CADM2: variants seen among roughly 807,000 people sequenced by gnomAD.
The protein encoded by CADM2 is cell adhesion molecule 2.
CADM2 carries 12 observed loss-of-function variants against 49.8 expected under a neutral mutation model. The observed-to-expected ratio is 0.24, with a 90% CI of 0.15 to 0.39. The LOEUF (loss-of-function observed/expected upper bound fraction) is 0.39, where lower values mean the gene tolerates loss of function less well. Ranked by LOEUF, CADM2 falls within the 10% of genes least tolerant of loss-of-function variation. The pLI is 1.00. For missense variants in CADM2, 378 were observed against 492.3 expected, an observed-to-expected ratio of 0.77 and a Z score of 2.20; for synonymous variants, 214 against 175.4, an observed-to-expected ratio of 1.22 and a Z score of -1.74.
At chr3:85,571,348 A>G (rs561967835) in intron 1 of CADM2, among the ~76,000 whole-genome samples, 47 of 152,204 alleles carry the variant, frequency 3.1e-4, no homozygotes, top group African/African-American at 1.1e-3. Flanking sequence ...AACTTAGTGC[A>G]ATAGAATTAT....
chr3:85,516,229 C>A (rs1418951858), intron 1 of CADM2, among the ~76,000 whole-genome samples: 6 of 152,070 alleles, frequency 3.9e-5, no homozygotes, highest in African/African-American at 9.7e-5. Flanking sequence ...CTTTTGTGAG[C>A]TCCTTTTACT....
chr3:85,816,683 C>G (rs1037753420), intron 3 of CADM2, among the ~76,000 whole-genome samples: 1 of 151,720 alleles, frequency 6.6e-6, no homozygotes, highest in Middle Eastern at 3.2e-3. Flanking sequence ...TATCAAAAGG[C>G]TTTTTTACAA....
At chr3:85,731,764 A>T (rs75401618) in intron 2 of CADM2, among the ~76,000 whole-genome samples, 23,123 of 151,900 alleles carry the variant, frequency 0.15, 1,928 homozygotes, top group African/African-American at 0.2. Context: ...AAATGATATT[A>T]TTAAATAATT....
chr3:86,017,304 A>G (rs1405796030), intron 8 of CADM2, among the ~76,000 whole-genome samples: 3 of 151,884 alleles, frequency 2.0e-5, no homozygotes, highest in Non-Finnish European at 4.4e-5. Flanking sequence ...GGTCAAATAG[A>G]TGTTATTCCT....
At chr3:85,445,755 G>T (rs2107553325) in intron 1 of CADM2, among the ~76,000 whole-genome samples, 1 of 152,226 alleles carries the variant, frequency 6.6e-6, no homozygotes, top group East Asian at 1.9e-4. Flanking sequence ...TGTGACTGAA[G>T]TACAAACAGA....
At position 85,401,009 on chromosome 3, in the gene CADM2, A is replaced by T. The variant is rs1429233104; in HGVS notation, c.62-325513A>T. Among the ~76,000 whole-genome samples, 3 of 152,194 alleles carry T rather than the reference A, an allele frequency of 2.0e-5. No homozygotes were observed. The East Asian group carries it at 5.8e-4, about 29-fold the overall frequency. The stretch of plus-strand genomic sequence containing the variant: ...GCCTCCAACCCACAACAGTGGCTCA[A>T]TGCTTTACTTTCAGAAACAGGTTAT... On this transcript the variant is annotated intron_variant, in intron 1 of 9. Transcript: ENST00000383699.
At chr3:85,798,170 C>T (rs150495484) in intron 2 of CADM2, among the ~76,000 whole-genome samples, 1 of 150,652 alleles carries the variant, frequency 6.6e-6, no homozygotes, top group East Asian at 2.0e-4. Context: ...GGATATTAGA[C>T]CTTTGTCAGA....
intron 1 of CADM2, among the ~76,000 whole-genome samples, chr3:85,384,229 A>G (rs532411858): frequency 6.6e-6 from 1 of 152,138 alleles, no homozygotes; most frequent in East Asian, 1.9e-4. Context: ...TGTAGAGAGT[A>G]TCCATATATC....
chr3:85,084,166 A>AT (rs1441957484), intron 1 of CADM2, among the ~76,000 whole-genome samples: 1 of 152,168 alleles, frequency 6.6e-6, no homozygotes. Flanking sequence ...TTGTAAGTCA[A>AT]TGCTAATAGC....
At chr3:85,087,239 C>T (rs968618742) in intron 1 of CADM2, among the ~76,000 whole-genome samples, 2 of 152,006 alleles carry the variant, frequency 1.3e-5, no homozygotes, top group Admixed American at 6.6e-5. Flanking sequence ...GCTTTAGCTA[C>T]GTAATGCCAG....
intron 8 of CADM2, among the ~76,000 whole-genome samples, chr3:86,057,727 C>T (rs945219839): frequency 3.9e-5 from 6 of 152,138 alleles, no homozygotes; most frequent in Admixed American, 3.3e-4. Flanking sequence ...CACTGTTGTT[C>T]GGACTTTGCA....
At chr3:85,432,676 A>G (rs1408199569) in intron 1 of CADM2, among the ~76,000 whole-genome samples, 2 of 152,174 alleles carry the variant, frequency 1.3e-5, no homozygotes, top group Non-Finnish European at 2.9e-5. Context: ...CCAGTCCTGC[A>G]AATACTGGTT....
At chr3:85,384,896 C>A (rs2034130749) in intron 1 of CADM2, among the ~76,000 whole-genome samples, 1 of 151,746 alleles carries the variant, frequency 6.6e-6, no homozygotes, top group Non-Finnish European at 1.5e-5. Context: ...AAATGTTTTC[C>A]TATATCCTCC....
intron 8 of CADM2, among the ~76,000 whole-genome samples, chr3:86,028,695 A>T (rs557907880): frequency 6.6e-6 from 1 of 152,166 alleles, no homozygotes; most frequent in Non-Finnish European, 1.5e-5. Context: ...ACTGCTTTAA[A>T]GGAAAGGCCA....
At chr3:85,190,707 A>C (rs745587368) in intron 1 of CADM2, among the ~76,000 whole-genome samples, 1 of 152,152 alleles carries the variant, frequency 6.6e-6, no homozygotes, top group Non-Finnish European at 1.5e-5. Flanking sequence ...CATCAATCCG[A>C]ATCTCTGAAT....
chr3:85,552,290 T>TTAAAA (rs2061824384), intron 1 of CADM2, among the ~76,000 whole-genome samples: 5 of 146,686 alleles, frequency 3.4e-5, no homozygotes, highest in African/African-American at 1.4e-4. Flanking sequence ...GACATTTAAA[T>TTAAAA]AATAATTTGG....
intron 1 of CADM2, among the ~76,000 whole-genome samples, chr3:85,341,326 T>C (rs1229283169): frequency 6.6e-6 from 1 of 151,900 alleles, no homozygotes; most frequent in African/African-American, 2.4e-5. Flanking sequence ...TTGTTAAACT[T>C]GATAAGTATA....
chr3:85,988,600 A>T (rs1287113971), intron 8 of CADM2, among the ~76,000 whole-genome samples: 1 of 152,210 alleles, frequency 6.6e-6, no homozygotes, highest in Non-Finnish European at 1.5e-5. Context: ...CACAGTTAAA[A>T]TTTTGATTTT....
intron 3 of CADM2, among the ~76,000 whole-genome samples, chr3:85,865,977 T>A (rs990722326): frequency 3.3e-5 from 5 of 151,570 alleles, no homozygotes; most frequent in African/African-American, 7.3e-5. Context: ...AACTGGGAGG[T>A]TTGTAGCTAG....
Sources: allele counts gnomAD v4.1 joint callset (sites outside exome capture counted in the v4.1 genomes callset), GRCh38; gene constraint gnomAD v4.1.1; transcripts MANE v1.5; gene names NCBI Gene and HGNC (gene_info 2026-07-23, HGNC 2026-07-21).